The following SELP variants were observed in gnomAD, a reference collection of about 807,000 sequenced individuals.
SELP encodes the protein P-selectin.
In SELP, 92 loss-of-function variants were observed where a neutral mutation model predicts 104.1. The observed-to-expected ratio is 0.88, with a 90% CI of 0.75 to 1.05. SELP has a LOEUF of 1.05. Ranked by LOEUF, SELP falls within the 50% of genes least tolerant of loss-of-function variation. The pLI, the probability that SELP is intolerant of heterozygous loss-of-function variation, is 0.00. For missense variants in SELP, 1,022 were observed against 1,017.3 expected (o/e 1.00, Z -0.06); for synonymous variants, 397 against 364.5 (o/e 1.09, Z -1.01).
Position 169,613,574 on chromosome 1 carries a change from AG to A in SELP, c.589+11del. ...TAAAACCAAAATAATATCAACAAAA[AG>A]GAAGCCTCACCGTATTCACATTCTG... On this transcript the variant is annotated intron_variant, in intron 4 of 16. Coordinates refer to ENST00000263686, the MANE Select transcript of SELP (RefSeq NM_003005.4). 1 of 1,601,278 alleles carries A rather than the reference AG, an allele frequency of 6.2e-7. No individual in the cohort carries two copies. Among genetic ancestry groups the A allele is most frequent in the Non-Finnish European group, 8.6e-7 (1 of 1,168,372 alleles).
intron 13 of SELP, 84 bp downstream of exon 13, chr1:169,594,608 A>G (rs1040694906): frequency 2.8e-5 from 38 of 1,351,246 alleles, no homozygotes; most frequent in Non-Finnish European, 3.8e-5. Flanking sequence ...AAGCAAGACC[A>G]CTATGAGAAA....
rs929250927 is a variant in SELP, at chr1:169,609,748, A to G, written c.1148-59T>C. Reference sequence around the variant, plus strand: ...ATGGAAGGGCCGGGTTCTTCCTCAGAAAAAATTCCTAGATGCTATATCTTT... The same window carrying G: ...ATGGAAGGGCCGGGTTCTTCCTCAGGAAAAATTCCTAGATGCTATATCTTT... On this transcript the variant is annotated intron_variant, in intron 7 of 16. Transcript: ENST00000263686. 8 of 1,488,136 alleles carry G rather than the reference A, an allele frequency of 5.4e-6. No individual in the cohort carries two copies. The Admixed American group carries it at 6.2e-5, about 12-fold the overall frequency. The allele number at this position is 1,488,136 out of a possible 1,614,324, so 92.2% of individuals were successfully genotyped here.
chr1:169,627,144 C>A (rs957824569), intron 1 of SELP, among the ~76,000 whole-genome samples: 4 of 152,172 alleles, frequency 2.6e-5, no homozygotes, highest in Admixed American at 1.3e-4. Context: ...GGATGCAGAA[C>A]TATACAACTT....
At chr1:169,603,976 T>C (rs150138508) in intron 9 of SELP, among the ~76,000 whole-genome samples, 3 of 152,340 alleles carry the variant, frequency 2.0e-5, no homozygotes, top group African/African-American at 7.2e-5. Flanking sequence ...AGTCATGGGA[T>C]GGCTAGGTCA....
chr1:169,595,010 C>T (rs546626416), intron 12 of SELP, 133 bp from the exon 13 acceptor site: 594 of 689,114 alleles, frequency 8.6e-4, no homozygotes, highest in Admixed American at 2.1e-3. Flanking sequence ...TGAGCCACTT[C>T]CAATATTCAC....
rs777813301 is a variant in SELP, at chr1:169,594,801, A to G, written c.2178T>C (p.Tyr726=). 6 of 1,613,904 alleles carry G rather than the reference A, an allele frequency of 3.7e-6. No homozygotes were observed. The highest frequency in any genetic ancestry group is 3.3e-5 in the South Asian group (3 of 91,076). The part of the protein sequence containing the change: ...NCSNLWGNFS[Y]GSICSFHCLE... ...GACAATGGAAAGAGCAGATTGATCC[A>G]TAACTGAAGTTTCCCCAGAGGTTGG... Residue 726 remains tyrosine (Y), a synonymous_variant, in exon 13 of 17, where the codon TAT becomes TAC. Coordinates refer to ENST00000263686, the MANE Select transcript of SELP (RefSeq NM_003005.4).
At position 169,607,029 on chromosome 1, in the gene SELP, T is replaced by G. The variant is rs772985562; in HGVS notation, c.1439A>C (p.Glu480Ala). ...ACTTGCTCCCACCAGGAGCAAGCCT[T>G]CATTGCAGGTGAAGCTGCAGACTGA... Reference protein sequence around the residue: ...YQSVCSFTCNEGLLLVGASVL... With the variant: ...YQSVCSFTCNAGLLLVGASVL... Residue 480 changes from glutamate to alanine, a missense_variant, in exon 9 of 17, where the codon GAA becomes GCA. Transcript: ENST00000263686. 1.9e-6 allele frequency: 3 copies of G among 1,613,716 alleles called. No individual in the cohort carries two copies. The highest frequency in any genetic ancestry group is 1.7e-6 in the Non-Finnish European group (2 of 1,179,732).
At position 169,618,131 on chromosome 1, in the gene SELP, G is replaced by T. The variant is rs1473559746; in HGVS notation, c.95-717C>A. On this transcript the variant is annotated intron_variant, in intron 2 of 16. Coordinates refer to ENST00000263686, the MANE Select transcript of SELP (RefSeq NM_003005.4). Reference sequence around the variant, plus strand: ...TCTGCCAGGTTGTAAATCTCCGACGGTGTTTTCTTTTTAGCTTTGGATCCT... The same window carrying T: ...TCTGCCAGGTTGTAAATCTCCGACGTTGTTTTCTTTTTAGCTTTGGATCCT... Among the ~76,000 whole-genome samples the T allele has an allele frequency of 2.6e-5, 4 of 152,180 alleles. No homozygotes were observed. The East Asian group carries it at 7.7e-4, about 29-fold the overall frequency.
chr1:169,606,877 C>A (rs983954093), intron 9 of SELP, 72 bp downstream of exon 9: 6 of 1,367,436 alleles, frequency 4.4e-6, no homozygotes, highest in Non-Finnish European at 6.2e-6. Flanking sequence ...ATAGTTGTCA[C>A]CTCTAAAATC....
chr1:169,616,817 ATTTCCC>A (rs1662836079), intron 3 of SELP, among the ~76,000 whole-genome samples: 1 of 152,154 alleles, frequency 6.6e-6, no homozygotes, highest in Non-Finnish European at 1.5e-5. Context: ...TGATATTAAA[ATTTCCC>A]TCTAGTTTTA....
intron 3 of SELP, among the ~76,000 whole-genome samples, chr1:169,614,979 C>T (rs945895287): frequency 6.6e-6 from 1 of 152,142 alleles, no homozygotes; most frequent in Non-Finnish European, 1.5e-5. Context: ...CCAATTATAG[C>T]TTCCTTGGGA....
At chr1:169,603,430 G>A (rs1457341080) in intron 9 of SELP, among the ~76,000 whole-genome samples, 1 of 148,698 alleles carries the variant, frequency 6.7e-6, no homozygotes, top group African/African-American at 2.4e-5. Context: ...AGATTGTAGA[G>A]GTGTAAAATA....
At chr1:169,592,345 C>T (rs112458463) in intron 14 of SELP, among the ~76,000 whole-genome samples, 2 of 152,162 alleles carry the variant, frequency 1.3e-5, no homozygotes, top group African/African-American at 4.8e-5. Flanking sequence ...GTAAGGAACA[C>T]GTGGTTTTGC....
chr1:169,622,999 C>T (rs990695936), intron 1 of SELP, among the ~76,000 whole-genome samples: 1 of 152,108 alleles, frequency 6.6e-6, no homozygotes, highest in East Asian at 1.9e-4. Flanking sequence ...ACTGGAAAAT[C>T]CAATCTTCTT....
chr1:169,601,653 C>T (rs771713382), intron 10 of SELP, among the ~76,000 whole-genome samples: 1 of 152,178 alleles, frequency 6.6e-6, no homozygotes, highest in Non-Finnish European at 1.5e-5. Flanking sequence ...AGCTCTGCCA[C>T]TGGGTGATAG....
In SELP at chr1:169,597,079, A is replaced by G. The variant is rs1429066927; in HGVS notation, c.1803T>C (p.Ser601=). 1.2e-6 allele frequency: 2 copies of G among 1,613,386 alleles called. No individual in the cohort carries two copies. The highest frequency in any genetic ancestry group is 2.7e-5 in the African/African-American group (2 of 74,846). The change falls in exon 11 of 17, where the codon TCT becomes TCC. Residue 601 remains serine, a synonymous_variant. Coordinates refer to ENST00000263686, the MANE Select transcript of SELP (RefSeq NM_003005.4). ...CCTCCAGCTTAAAGCCGTTGTCACA[A>G]GAGAAATGGCAGGTGGAGCCAACAT... ...EFNVGSTCHF[S]CDNGFKLEGP...
intron 12 of SELP, 32 bp from the exon 13 acceptor site, chr1:169,594,909 C>T (rs772243819): frequency 2.5e-6 from 4 of 1,585,776 alleles, no homozygotes; most frequent in Non-Finnish European, 2.6e-6. Flanking sequence ...AGAGAAACAA[C>T]ATGTGGATTG....
In SELP at chr1:169,613,132, G is replaced by A. The variant is rs773361848; in HGVS notation, c.590-18C>T. The A allele has an allele frequency of 2.6e-6, 4 of 1,560,610 alleles. No individual in the cohort carries two copies. The African/African-American group carries it at 5.5e-5, about 21-fold the overall frequency. On this transcript the variant is annotated intron_variant, in intron 4 of 16. Coordinates refer to ENST00000263686, the MANE Select transcript of SELP (RefSeq NM_003005.4). ...CTCTCTCACTGCAGGAGACAAAATA[G>A]TGATTTTTATTTTCCATGTAGAATT...
intron 8 of SELP, among the ~76,000 whole-genome samples, chr1:169,608,885 G>A (rs1382077252): frequency 2.0e-5 from 3 of 151,934 alleles, no homozygotes; most frequent in South Asian, 2.1e-4. Flanking sequence ...CACCACACCC[G>A]CCCCCCATGA....
Sources: allele counts gnomAD v4.1 joint callset (sites outside exome capture counted in the v4.1 genomes callset), GRCh38; gene constraint gnomAD v4.1.1; transcripts MANE v1.5; gene names NCBI Gene and HGNC (gene_info 2026-07-23, HGNC 2026-07-21).